CPNE4: variants seen among roughly 807,000 people sequenced by gnomAD.
CPNE4 encodes the protein copine 4, also known as copine-4.
CPNE4 carries 25 observed loss-of-function variants against 67.9 expected under a neutral mutation model. The ratio of observed to expected loss-of-function variants is 0.37; its 90% CI spans 0.27 to 0.51. The LOEUF is 0.51. Among genes scored for constraint, CPNE4 ranks in the 20% least tolerant of loss-of-function variants. The probability of loss-of-function intolerance (pLI) is 0.93; values close to 1 mark genes in which losing one functional copy is unlikely to be tolerated. For missense variants in CPNE4, 464 were observed against 690.8 expected (o/e 0.67, Z 3.68); for synonymous variants, 242 against 244.9 (o/e 0.99, Z 0.11).
intron 2 of CPNE4, among the ~76,000 whole-genome samples, chr3:131,819,522 ACG>A (rs1491161012): frequency 2.6e-5 from 4 of 150,980 alleles, no homozygotes; most frequent in Non-Finnish European, 5.9e-5. Flanking sequence ...ACACACACAC[ACG>A]CACAGTTTCC....
intron 7 of CPNE4, among the ~76,000 whole-genome samples, chr3:131,634,759 A>C (rs2079330364): frequency 6.6e-6 from 1 of 152,158 alleles, no homozygotes; most frequent in South Asian, 2.1e-4. Flanking sequence ...AAAGCTTAAA[A>C]AATTTTTAGT....
chr3:131,580,146 G>T (rs1054529055), intron 9 of CPNE4, among the ~76,000 whole-genome samples: 6 of 152,088 alleles, frequency 3.9e-5, no homozygotes, highest in Admixed American at 3.9e-4. Flanking sequence ...TCCAGATAAG[G>T]TCCTCCACCA....
chr3:132,031,650 G>C (rs74676686), intron 1 of CPNE4, among the ~76,000 whole-genome samples: 1 of 152,184 alleles, frequency 6.6e-6, no homozygotes, highest in South Asian at 2.1e-4. Context: ...CTTTCTTTAT[G>C]TGGATAAAGG....
intron 1 of CPNE4, among the ~76,000 whole-genome samples, chr3:131,974,691 C>A (rs1237897031): frequency 6.6e-6 from 1 of 152,162 alleles, no homozygotes; most frequent in Non-Finnish European, 1.5e-5. Context: ...CTTGCCACCT[C>A]AGACTGTTCA....
chr3:131,752,240 G>A (rs1041863184), intron 2 of CPNE4, among the ~76,000 whole-genome samples: 2 of 152,028 alleles, frequency 1.3e-5, no homozygotes, highest in Admixed American at 6.6e-5. Context: ...AGCCTTGAGA[G>A]GGTAGAAGTC....
intron 7 of CPNE4, among the ~76,000 whole-genome samples, chr3:131,656,140 T>G (rs2079957282): frequency 6.6e-6 from 1 of 150,828 alleles, no homozygotes; most frequent in Admixed American, 6.6e-5. Context: ...TCCTCCAGAC[T>G]CTTCCCTTCC....
intron 2 of CPNE4, among the ~76,000 whole-genome samples, chr3:131,728,427 T>C (rs1024116641): frequency 6.6e-6 from 1 of 152,196 alleles, no homozygotes; most frequent in Non-Finnish European, 1.5e-5. Context: ...TGCTATATAG[T>C]TATGCAAATT....
At chr3:131,896,213 A>T (rs1291954206) in intron 2 of CPNE4, among the ~76,000 whole-genome samples, 5 of 152,056 alleles carry the variant, frequency 3.3e-5, no homozygotes, top group Admixed American at 1.3e-4. Context: ...ACAATCATTT[A>T]AAATGAGGTT....
intron 2 of CPNE4, among the ~76,000 whole-genome samples, chr3:131,869,885 C>T (rs1377376568): frequency 1.3e-5 from 2 of 151,452 alleles, no homozygotes; most frequent in Non-Finnish European, 2.9e-5. Context: ...TACAATAGGC[C>T]TTTCTCTCAT....
At chr3:131,658,833 A>C (rs538455517) in intron 7 of CPNE4, among the ~76,000 whole-genome samples, 4 of 152,290 alleles carry the variant, frequency 2.6e-5, no homozygotes, top group African/African-American at 9.6e-5. Flanking sequence ...TCTACTGACA[A>C]TGCTTTCCAG....
At position 131,685,859 on chromosome 3, in the gene CPNE4, T is replaced by A; in HGVS notation, c.591+16A>T. 3 of 1,562,410 alleles carry A rather than the reference T, an allele frequency of 1.9e-6. No homozygotes were observed. The highest frequency in any genetic ancestry group is 2.6e-6 in the Non-Finnish European group (3 of 1,136,396). ...ATCTTAGGAGATAAGAGGGCATAGC[T>A]GAAGATGACTCTTACCTCAGTTCGG... On this transcript the variant is annotated intron_variant, in intron 6 of 15. Coordinates refer to ENST00000429747, the MANE Select transcript of CPNE4 (RefSeq NM_130808.3).
intron 2 of CPNE4, among the ~76,000 whole-genome samples, chr3:131,807,128 G>T (rs2084345852): frequency 6.6e-6 from 1 of 152,160 alleles, no homozygotes; most frequent in Non-Finnish European, 1.5e-5. Flanking sequence ...CCTGGCGGGG[G>T]TGGTGATGAA....
intron 1 of CPNE4, among the ~76,000 whole-genome samples, chr3:132,008,155 CTT>C (rs2073655887): frequency 6.6e-6 from 1 of 152,026 alleles, no homozygotes; most frequent in Non-Finnish European, 1.5e-5. Flanking sequence ...TGGAATATGA[CTT>C]ATTATTTCTT....
intron 2 of CPNE4, among the ~76,000 whole-genome samples, chr3:131,864,694 T>G (rs1033446527): frequency 7.9e-5 from 12 of 152,002 alleles, no homozygotes; most frequent in Non-Finnish European, 1.5e-4. Flanking sequence ...TGAATACCCT[T>G]TATTTCCTTC....
chr3:131,815,260 ATAT>A (rs942167384), intron 2 of CPNE4, among the ~76,000 whole-genome samples: 2 of 152,202 alleles, frequency 1.3e-5, no homozygotes, highest in African/African-American at 4.8e-5. Context: ...TGGAAAACTG[ATAT>A]TATAAATAAA....
intron 6 of CPNE4, among the ~76,000 whole-genome samples, chr3:131,672,406 A>G (rs2080442400): frequency 6.6e-6 from 1 of 152,100 alleles, no homozygotes; most frequent in Non-Finnish European, 1.5e-5. Flanking sequence ...GAACCTCCAA[A>G]CTATTCTCCA....
intron 2 of CPNE4, among the ~76,000 whole-genome samples, chr3:131,751,981 G>A (rs11928064): frequency 0.42 from 63,389 of 151,720 alleles, 13,359 homozygotes; most frequent in East Asian, 0.53. Flanking sequence ...AGTAGGGATG[G>A]CCTCATTACT....
At chr3:131,906,938 T>C (rs1464136178) in intron 1 of CPNE4, among the ~76,000 whole-genome samples, 1 of 151,836 alleles carries the variant, frequency 6.6e-6, no homozygotes, top group Non-Finnish European at 1.5e-5. Context: ...TTTTAATGAT[T>C]GCCATTCTAA....
At chr3:131,818,981 A>G (rs542851255) in intron 2 of CPNE4, among the ~76,000 whole-genome samples, 1 of 152,090 alleles carries the variant, frequency 6.6e-6, no homozygotes, top group East Asian at 1.9e-4. Context: ...GCACCTGTAA[A>G]CTCAGCTACT....
Sources: allele counts gnomAD v4.1 joint callset (sites outside exome capture counted in the v4.1 genomes callset), GRCh38; gene constraint gnomAD v4.1.1; transcripts MANE v1.5; gene names NCBI Gene and HGNC (gene_info 2026-07-23, HGNC 2026-07-21).